SLC6A5: variants seen among roughly 807,000 people sequenced by gnomAD.
SLC6A5 encodes sodium- and chloride-dependent glycine transporter 2.
SLC6A5 carries 58 observed loss-of-function variants against 90.5 expected under a neutral mutation model. The observed-to-expected ratio is 0.64, with a 90% confidence interval of 0.52 to 0.80. The LOEUF is 0.80. SLC6A5 is among the 30% of genes least tolerant of loss of function. SLC6A5 has a pLI of 0.00. For missense variants in SLC6A5, 1,015 were observed against 1,017.6 expected (o/e 1.00, Z 0.03); for synonymous variants, 427 against 401.4 (o/e 1.06, Z -0.76).
intron 7 of SLC6A5, among the ~76,000 whole-genome samples, chr11:20,623,992 C>T (rs1852941709): frequency 6.6e-6 from 1 of 152,012 alleles, no homozygotes; most frequent in South Asian, 2.1e-4. Flanking sequence ...CTCTCCCCAG[C>T]TAGAATGGAA....
chr11:20,623,880 C>A (rs1852939895), intron 7 of SLC6A5, among the ~76,000 whole-genome samples: 1 of 152,218 alleles, frequency 6.6e-6, no homozygotes, highest in Non-Finnish European at 1.5e-5. Context: ...CCTCCCCACA[C>A]CCCACCCCAC....
At chr11:20,649,936 G>A (rs970736309) in intron 14 of SLC6A5, among the ~76,000 whole-genome samples, 3 of 152,294 alleles carry the variant, frequency 2.0e-5, no homozygotes, top group Admixed American at 1.3e-4. Context: ...TCCAACAGTT[G>A]TCTTTGGGCT....
At chr11:20,608,130 T>C (rs1852619063) in intron 5 of SLC6A5, among the ~76,000 whole-genome samples, 1 of 152,210 alleles carries the variant, frequency 6.6e-6, no homozygotes, top group Admixed American at 6.5e-5. Context: ...GTCTAATTCC[T>C]AGAGTCCAGG....
chr11:20,600,538 T>C (rs1852450369), intron 1 of SLC6A5, among the ~76,000 whole-genome samples: 1 of 152,314 alleles, frequency 6.6e-6, no homozygotes, highest in South Asian at 2.1e-4. Flanking sequence ...TTTATTATCG[T>C]TGTAGGTTTT....
intron 14 of SLC6A5, among the ~76,000 whole-genome samples, chr11:20,648,613 C>G (rs989033231): frequency 6.6e-6 from 1 of 152,200 alleles, no homozygotes; most frequent in African/African-American, 2.4e-5. Flanking sequence ...TGCGAACAGA[C>G]AGACTCACAG....
chr11:20,620,856 G>A (rs1852875210), intron 7 of SLC6A5, among the ~76,000 whole-genome samples: 1 of 152,016 alleles, frequency 6.6e-6, no homozygotes, highest in South Asian at 2.1e-4. Context: ...CTGGAGTGCA[G>A]TGGTGCCATC....
intron 3 of SLC6A5, among the ~76,000 whole-genome samples, chr11:20,605,680 G>C (rs1247583626): frequency 6.6e-6 from 1 of 152,234 alleles, no homozygotes; most frequent in South Asian, 2.1e-4. Context: ...AAGTGCCCGC[G>C]CTTTGCCCGC....
intron 12 of SLC6A5, 91 bp from the exon 13 acceptor site, chr11:20,638,357 ACCTGACTCTTT>A (rs1284172217): frequency 5.1e-6 from 4 of 777,440 alleles, no homozygotes; most frequent in Non-Finnish European, 9.3e-6. Flanking sequence ...TCCTGTTTGC[ACCTGACTCTTT>A]TTAGGATTGA....
At chr11:20,622,365 G>A (rs1033014869) in intron 7 of SLC6A5, among the ~76,000 whole-genome samples, 2 of 152,158 alleles carry the variant, frequency 1.3e-5, no homozygotes, top group South Asian at 4.1e-4. Flanking sequence ...TCACTCTCAG[G>A]TTCCTGAAGT....
chr11:20,649,836 C>T (rs1052076331), intron 14 of SLC6A5, among the ~76,000 whole-genome samples: 5 of 152,148 alleles, frequency 3.3e-5, no homozygotes, highest in Admixed American at 6.5e-5. Context: ...GCCATACTTA[C>T]AATACTCTGG....
At chr11:20,653,792 A>C (rs1485969904) in intron 15 of SLC6A5, among the ~76,000 whole-genome samples, 4 of 152,198 alleles carry the variant, frequency 2.6e-5, no homozygotes, top group Admixed American at 2.6e-4. Flanking sequence ...CTGACCCAGA[A>C]ATCTCTTTCC....
rs1225598413 is a variant in SLC6A5 at position 20,611,984 on chromosome 11, A to C, written c.986-2695A>C. ...TCTGCTGCAACGCAGGGTCTTGGTG[A>C]AGTATTGACTCACTGTGCCTGTTGG... On this transcript the variant is annotated intron_variant, in intron 5 of 15. Coordinates refer to ENST00000525748, the MANE Select transcript of SLC6A5 (RefSeq NM_004211.5). Among the ~76,000 whole-genome samples the C allele has an allele frequency of 3.9e-5, 6 of 152,288 alleles. No homozygotes were observed. In the East Asian group the frequency reaches 1.2e-3, roughly 29 times the overall value.
At chr11:20,622,774 C>A (rs1452972743) in intron 7 of SLC6A5, among the ~76,000 whole-genome samples, 1 of 109,406 alleles carries the variant, frequency 9.1e-6, no homozygotes, top group Non-Finnish European at 2.0e-5. Flanking sequence ...TAGGTCATGT[C>A]CTCTCCGTCA....
At chr11:20,638,999 A>C (rs1853262829) in intron 13 of SLC6A5, among the ~76,000 whole-genome samples, 1 of 152,168 alleles carries the variant, frequency 6.6e-6, no homozygotes. Context: ...CACTCAGCTC[A>C]CAGATCCTTA....
Position 20,604,737 on chromosome 11 carries a change from G to A in SLC6A5, c.679+313G>A, listed in dbSNP as rs374911785. On this transcript the variant is annotated intron_variant, in intron 3 of 15. Coordinates refer to ENST00000525748, the MANE Select transcript of SLC6A5 (RefSeq NM_004211.5). The stretch of plus-strand genomic sequence containing the variant: ...TAAGCACGGGTGCTAGCGGTCAAGT[G>A]TTCAGAGAGCGGCGGCACTCCGGGC... 6.6e-5 allele frequency among the ~76,000 whole-genome samples: 10 copies of A among 152,266 alleles called. No individual in the cohort carries two copies. In the East Asian group the frequency reaches 9.7e-4, roughly 15 times the overall value.
At position 20,601,653 on chromosome 11, in the gene SLC6A5, C is replaced by A. The variant is rs573629406; in HGVS notation, c.528C>A (p.Thr176=). The A allele has an allele frequency of 1.2e-6, 2 of 1,613,730 alleles. No individual in the cohort carries two copies. Among genetic ancestry groups the A allele is most frequent in the Admixed American group, 1.7e-5 (1 of 60,028 alleles). ...CCGTGCTCCCGGGCAGCGTGGCCAC[C>A]GTTGCCACCCAGGTAAGCAGGTTGC... is the stretch of plus-strand genomic sequence containing the variant. The part of the protein sequence containing the change: ...ITSVLPGSVA[T]VATQEDEQGD... Residue 176 remains threonine (T), a synonymous_variant, in exon 2 of 16, where the codon ACC becomes ACA. Coordinates refer to ENST00000525748, the MANE Select transcript of SLC6A5 (RefSeq NM_004211.5).
intron 14 of SLC6A5, among the ~76,000 whole-genome samples, chr11:20,649,408 T>A (rs186870335): frequency 5.9e-5 from 9 of 152,268 alleles, no homozygotes; most frequent in Admixed American, 5.9e-4. Flanking sequence ...TAAATTATTA[T>A]CTCTCATGGC....
Position 20,614,683 on chromosome 11 carries a change from C to A in SLC6A5, c.990C>A (p.Ser330=). The A allele has an allele frequency of 5.6e-6, 9 of 1,613,670 alleles. No individual in the cohort carries two copies. The highest frequency in any genetic ancestry group is 7.6e-6 in the Non-Finnish European group (9 of 1,179,536). Residue 330 remains serine (S), a synonymous_variant, in exon 6 of 16, where the codon TCC becomes TCA. Coordinates refer to ENST00000525748, the MANE Select transcript of SLC6A5 (RefSeq NM_004211.5). ...ATTCTGTCCTCTCCTAAACAGATTC[C>A]TGTGTTATCAGTGACCATCCCAAAA... ...CKDKTKLLLD[S]CVISDHPKIQ...
At position 20,657,641 on chromosome 11, in the gene SLC6A5, G is replaced by A. The variant is rs1170087991; in HGVS notation, c.*2773G>A. On this transcript the variant is annotated 3_prime_UTR_variant, in exon 16 of 16. Transcript: ENST00000525748. ...TCCCTTCAAAGTGGGGGAAAAAACC[G>A]AGTAGCTGAGGAAAGACTTTCATTG... 6.6e-6 allele frequency: 1 copy of A among 152,172 alleles called. No individual in the cohort carries two copies. The highest frequency in any genetic ancestry group is 2.4e-5 in the African/African-American group (1 of 41,450). The allele number at this position is 152,172 out of a possible 1,614,324, so 9.4% of individuals were successfully genotyped here. A position where few individuals can be genotyped will look rare whatever the true frequency, so the allele number is the denominator to read the frequency against.
Sources: gnomAD v4.1 joint callset for allele counts (sites outside exome capture counted in the v4.1 genomes callset) on GRCh38, gnomAD v4.1.1 for gene constraint, MANE v1.5 for transcripts, NCBI Gene and HGNC (gene_info 2026-07-23, HGNC 2026-07-21) for gene names.